Variants in SYCE3 observed in about 807,000 individuals in gnomAD.
SYCE3 encodes the protein synaptonemal complex central element protein 3.
A neutral mutation model predicts 8.1 loss-of-function variants in SYCE3; 3 were observed. The ratio of observed to expected loss-of-function variants is 0.37; its 90% CI spans 0.17 to 0.96. The LOEUF is 0.96. Ranked by LOEUF, SYCE3 falls within the 40% of genes least tolerant of loss-of-function variation. SYCE3 has a pLI of 0.41. For missense variants in SYCE3, 83 were observed against 110.0 expected, an observed-to-expected ratio of 0.75 and a Z score of 1.10; for synonymous variants, 36 against 38.7, an observed-to-expected ratio of 0.93 and a Z score of 0.26.
chr22:50,552,375 G>A (rs949714791), intron 2 of SYCE3, among the ~76,000 whole-genome samples: 19 of 152,184 alleles, frequency 1.2e-4, no homozygotes, highest in Non-Finnish European at 2.1e-4. Context: ...AATCTCGGCC[G>A]GGTGCGGTGG....
chr22:50,562,818 T>G (rs1377813278), intron 1 of SYCE3, 40 bp downstream of exon 1: 1 of 151,198 alleles, frequency 6.6e-6, no homozygotes, highest in Non-Finnish European at 1.5e-5. Context: ...TCAGGGCGCG[T>G]TGGGAGGGCC....
At chr22:50,560,676 T>C (rs1310968190) in intron 1 of SYCE3, among the ~76,000 whole-genome samples, 1 of 152,162 alleles carries the variant, frequency 6.6e-6, no homozygotes, top group Non-Finnish European at 1.5e-5. Flanking sequence ...AGGTTTTTTG[T>C]TTTTTGAATT....
At chr22:50,560,891 G>A (rs887118897) in intron 1 of SYCE3, among the ~76,000 whole-genome samples, 3 of 152,154 alleles carry the variant, frequency 2.0e-5, no homozygotes, top group East Asian at 1.9e-4. Context: ...TTTCAGGCCC[G>A]ATGGTCTCTA....
At chr22:50,560,485 A>G (rs1026993005) in intron 1 of SYCE3, among the ~76,000 whole-genome samples, 3 of 152,194 alleles carry the variant, frequency 2.0e-5, no homozygotes, top group Admixed American at 6.5e-5. Flanking sequence ...CAGTAAATTC[A>G]AGATATTTGA....
chr22:50,554,999 G>A (rs1263383253), intron 2 of SYCE3, among the ~76,000 whole-genome samples: 8 of 151,702 alleles, frequency 5.3e-5, no homozygotes, highest in Admixed American at 5.3e-4. Context: ...GCGGGCGCCT[G>A]TAGTCCCAGC....
rs569173342 is a variant in SYCE3 at position 50,554,221 on chromosome 22, C to T, written c.109+2076G>A. Among the ~76,000 whole-genome samples the T allele has an allele frequency of 8.0e-5, 12 of 150,646 alleles. 1 individual carries two copies. The highest frequency in any genetic ancestry group is 5.9e-4 in the East Asian group (3 of 5,068). On this transcript the variant is annotated intron_variant, in intron 2 of 2. Coordinates refer to ENST00000406915, the MANE Select transcript of SYCE3 (RefSeq NM_001123225.3). The stretch of plus-strand genomic sequence containing the variant: ...AAAAAAAAAAAAAAGCAATACGCAG[C>T]GTAGGTCATTTGGCATGCCAGATGG...
intron 1 of SYCE3, 150 bp from the exon 2 acceptor site, chr22:50,556,555 G>A (rs2148699071): frequency 3.5e-6 from 2 of 574,220 alleles, no homozygotes; most frequent in South Asian, 2.5e-5. Flanking sequence ...CTGTTGTGAA[G>A]GTTAAATGGG....
At chr22:50,555,551 G>C (rs2069851995) in intron 2 of SYCE3, among the ~76,000 whole-genome samples, 1 of 152,138 alleles carries the variant, frequency 6.6e-6, no homozygotes, top group Non-Finnish European at 1.5e-5. Context: ...AGTTTGATAA[G>C]AAAGCTTTTT....
intron 2 of SYCE3, among the ~76,000 whole-genome samples, chr22:50,555,398 T>C (rs2069850376): frequency 6.6e-6 from 1 of 152,190 alleles, no homozygotes; most frequent in African/African-American, 2.4e-5. Flanking sequence ...CCCAACACTT[T>C]GGGAGGCCAA....
intron 1 of SYCE3, among the ~76,000 whole-genome samples, chr22:50,556,671 C>G (rs909262121): frequency 6.6e-6 from 1 of 152,190 alleles, no homozygotes; most frequent in African/African-American, 2.4e-5. Flanking sequence ...GTCATTAACA[C>G]AGAAAACATC....
intron 2 of SYCE3, 135 bp downstream of exon 2, chr22:50,556,162 T>C (rs1349184963): frequency 4.8e-6 from 3 of 623,466 alleles, no homozygotes; most frequent in Non-Finnish European, 5.6e-6. Flanking sequence ...AAGCAAGCTG[T>C]ACCCTGCCAA....
chr22:50,559,733 G>A (rs1184335614), intron 1 of SYCE3, among the ~76,000 whole-genome samples: 1 of 151,986 alleles, frequency 6.6e-6, no homozygotes, highest in Non-Finnish European at 1.5e-5. Flanking sequence ...TTCGAGACCC[G>A]CCTGGCCAAT....
chr22:50,551,586 A>G (rs536324138), intron 2 of SYCE3, among the ~76,000 whole-genome samples, 184 bp from the exon 3 acceptor site: 1 of 152,322 alleles, frequency 6.6e-6, no homozygotes, highest in East Asian at 1.9e-4. Context: ...AAAACTCCCT[A>G]CAAACATCCA....
chr22:50,554,726 G>T (rs1027691498), intron 2 of SYCE3, among the ~76,000 whole-genome samples: 15 of 150,958 alleles, frequency 9.9e-5, no homozygotes, highest in Non-Finnish European at 2.1e-4. Flanking sequence ...CAGGCGCGGT[G>T]GCTCACACCT....
intron 1 of SYCE3, among the ~76,000 whole-genome samples, chr22:50,561,533 G>A (rs1251338053): frequency 6.6e-6 from 1 of 150,434 alleles, no homozygotes; most frequent in African/African-American, 2.5e-5. Flanking sequence ...GGAGCGTGGG[G>A]CGGGAGGAGT....
At chr22:50,562,061 T>G in intron 1 of SYCE3, among the ~76,000 whole-genome samples, 1 of 45,094 alleles carries the variant, frequency 2.2e-5, no homozygotes, top group African/African-American at 1.0e-4. Context: ...AGGTGAGGGA[T>G]GTAAGGTGGG....
chr22:50,561,468 C>T (rs781340180), intron 1 of SYCE3, among the ~76,000 whole-genome samples: 2 of 142,320 alleles, frequency 1.4e-5, no homozygotes, highest in Non-Finnish European at 3.0e-5. Flanking sequence ...CCTGAGCCCG[C>T]ACCAAAGCAC....
At position 50,551,210 on chromosome 22, in the gene SYCE3, A is replaced by C. The variant is rs1265464412; in HGVS notation, c.*35T>G. The stretch of plus-strand genomic sequence containing the variant: ...CCCAGTGACCTCTTCATACGGGCAG[A>C]GGGTGGCATGGCAGCTGTGGTGGGC... On this transcript the variant is annotated 3_prime_UTR_variant, in exon 3 of 3. Transcript: ENST00000406915. 5 of 1,547,498 alleles carry C rather than the reference A, an allele frequency of 3.2e-6. No homozygotes were observed. The highest frequency in any genetic ancestry group is 2.0e-5 in the Admixed American group (1 of 50,890).
intron 1 of SYCE3, among the ~76,000 whole-genome samples, chr22:50,558,638 C>CTCCG (rs1379557313): frequency 6.6e-6 from 1 of 152,106 alleles, no homozygotes; most frequent in African/African-American, 2.4e-5. Flanking sequence ...CGTGCAGGGA[C>CTCCG]TCCGTCCTGC....
Sources: gnomAD v4.1 joint callset for allele counts (sites outside exome capture counted in the v4.1 genomes callset) on GRCh38, gnomAD v4.1.1 for gene constraint, MANE v1.5 for transcripts, NCBI Gene and HGNC (gene_info 2026-07-23, HGNC 2026-07-21) for gene names.